Variants in USP30 observed in about 807,000 individuals in gnomAD.
The protein encoded by USP30 is ubiquitin specific peptidase 30, also known as ubiquitin carboxyl-terminal hydrolase 30.
Under a neutral mutation model 68.2 loss-of-function variants are expected in USP30, and 41 were observed. The observed-to-expected ratio is 0.60, with a 90% CI of 0.47 to 0.78. The LOEUF (loss-of-function observed/expected upper bound fraction) is 0.78. Among genes scored for constraint, USP30 ranks in the 30% least tolerant of loss-of-function variants. The pLI is 0.00. For synonymous variants in USP30, 229 were observed against 253.7 expected (o/e 0.90, Z 0.93); for missense variants, 522 against 649.4 (o/e 0.80, Z 2.13).
In USP30 at chr12:109,055,400, A is replaced by ATATATATATTT. The variant is rs1298811530; in HGVS notation, c.84-1281_84-1280insATATATATTTT. ...TATACATATATATATATATATATAT[A>ATATATATATTT]TTTTTTTTTTTTTTTTTTTTGAGGC... On this transcript the variant is annotated intron_variant, in intron 1 of 12. Transcript: ENST00000257548. 2.2e-3 allele frequency among the ~76,000 whole-genome samples: 55 copies of ATATATATATTT among 24,474 alleles called. 1 individual carries two copies. Among genetic ancestry groups the ATATATATATTT allele is most frequent in the African/African-American group, 5.9e-3 (53 of 9,022 alleles). 16.1% of individuals were successfully genotyped at this position (24,474 alleles called of 152,430 possible). A position where few individuals can be genotyped will look rare whatever the true frequency, so the allele number is the denominator to read the frequency against.
rs114178663 is a variant in USP30 at position 109,072,901 on chromosome 12, A to T, written c.626-537A>T. On this transcript the variant is annotated intron_variant, in intron 6 of 12. Transcript: ENST00000257548. ...TAATAACTATCCCAATTTTCCGCACACTGAGGCTTGTAGAGATTAAAGGCA... is the reference window on the plus strand; with the variant it reads ...TAATAACTATCCCAATTTTCCGCACTCTGAGGCTTGTAGAGATTAAAGGCA... 4.1e-3 allele frequency among the ~76,000 whole-genome samples: 618 copies of T among 152,300 alleles called. 6 individuals carry two copies. The highest frequency in any genetic ancestry group is 0.014 in the African/African-American group (602 of 41,558).
At position 109,052,631 on chromosome 12, in the gene USP30, C is replaced by CGGCGGT. The variant is rs2135692110; in HGVS notation, c.-43_-42insTGGCGG. The CGGCGGT allele has an allele frequency of 4.8e-6, 7 of 1,449,066 alleles. No individual in the cohort carries two copies. Among genetic ancestry groups the CGGCGGT allele is most frequent in the Non-Finnish European group, 4.5e-6 (5 of 1,106,782 alleles). The allele number at this position is 1,449,066 out of a possible 1,614,324, so 89.8% of individuals were successfully genotyped here. ...GTCGTATCCCTCGGTCCGGCGGCGG[C>CGGCGGT]GGCGGCGGTAGCGGAGGAGACGGTT... On this transcript the variant is annotated 5_prime_UTR_variant, in exon 1 of 13. Coordinates refer to ENST00000257548, the MANE Select transcript of USP30 (RefSeq NM_032663.5).
At chr12:109,031,099 A>G (rs934312671) in intron 3 of USP30, among the ~76,000 whole-genome samples, 2 of 152,088 alleles carry the variant, frequency 1.3e-5, no homozygotes, top group African/African-American at 4.8e-5. Context: ...TAAAAAACTA[A>G]AAAAAAACAT....
At chr12:109,039,212 AG>A (rs2040544583) in intron 3 of USP30, among the ~76,000 whole-genome samples, 1 of 152,170 alleles carries the variant, frequency 6.6e-6, no homozygotes, top group African/African-American at 2.4e-5. Context: ...TTCCTCAGAA[AG>A]TTTTACAGTT....
intron 3 of USP30, among the ~76,000 whole-genome samples, chr12:109,058,884 G>T (rs896936796): frequency 1.3e-5 from 2 of 152,202 alleles, no homozygotes; most frequent in Non-Finnish European, 2.9e-5. Flanking sequence ...TTGCAGCCCT[G>T]TCCAGCTGTT....
intron 3 of USP30, 72 bp from the exon 4 acceptor site, chr12:109,067,452 A>G (rs1391647583): frequency 3.0e-6 from 4 of 1,352,404 alleles, no homozygotes; most frequent in Non-Finnish European, 4.2e-6. Flanking sequence ...TTGATATGTT[A>G]TACTGTGCAA....
At chr12:109,035,262 T>C (rs2040510425) in intron 3 of USP30, among the ~76,000 whole-genome samples, 1 of 152,158 alleles carries the variant, frequency 6.6e-6, no homozygotes, top group Admixed American at 6.5e-5. Flanking sequence ...ATTTTATTTC[T>C]TTTGTCTTTT....
At chr12:109,082,404 A>C (rs2041830090) in intron 9 of USP30, 1 of 550,660 alleles carries the variant, frequency 1.8e-6, no homozygotes. Context: ...TTGAAGACAG[A>C]GAACAATTAA....
intron 3 of USP30, among the ~76,000 whole-genome samples, chr12:109,058,339 G>A (rs541601073): frequency 6.6e-5 from 10 of 152,260 alleles, no homozygotes; most frequent in African/African-American, 2.2e-4. Flanking sequence ...AGGAGGCCAA[G>A]GCAGGTGGAT....
chr12:109,049,683 C>T (rs1029180152), upstream of USP30, among the ~76,000 whole-genome samples: 7 of 152,142 alleles, frequency 4.6e-5, no homozygotes, highest in South Asian at 2.1e-4. Context: ...GGCATGGTGG[C>T]GCGTGCCTGT....
chr12:109,034,322 G>A (rs761981428), intron 3 of USP30, among the ~76,000 whole-genome samples: 1 of 152,114 alleles, frequency 6.6e-6, no homozygotes, highest in East Asian at 1.9e-4. Context: ...TTCCATTGCA[G>A]TTAGAGAACA....
In USP30 at chr12:109,057,661, A is replaced by C. The variant is rs149733451; in HGVS notation, c.194-265A>C. On this transcript the variant is annotated intron_variant, in intron 2 of 12. Coordinates refer to ENST00000257548, the MANE Select transcript of USP30 (RefSeq NM_032663.5). ...AAGTGTTTTTGTACATTTAGGAAGA[A>C]CCAAGCTGTGCTGGATACCATGATA... Among the ~76,000 whole-genome samples, 52 of 152,368 alleles carry C rather than the reference A, an allele frequency of 3.4e-4. No individual in the cohort carries two copies. The East Asian group carries it at 9.6e-3, about 28-fold the overall frequency.
At chr12:109,079,344 T>C (rs2041719374) in intron 7 of USP30, among the ~76,000 whole-genome samples, 1 of 129,682 alleles carries the variant, frequency 7.7e-6, no homozygotes, top group East Asian at 2.0e-4. Flanking sequence ...TTTTTCTTTT[T>C]TTTTTTCTTT....
At chr12:109,067,783 T>C (rs1387580091) in intron 4 of USP30, among the ~76,000 whole-genome samples, 156 bp downstream of exon 4, 1 of 152,174 alleles carries the variant, frequency 6.6e-6, no homozygotes. Context: ...GTTCCTGCTC[T>C]CATGATCAGA....
chr12:109,062,536 G>A (rs1593256416), intron 3 of USP30, among the ~76,000 whole-genome samples: 1 of 151,168 alleles, frequency 6.6e-6, no homozygotes, highest in East Asian at 2.0e-4. Context: ...CACCGTGTTA[G>A]CCAGGATGGT....
At chr12:109,056,047 C>A (rs2040866458) in intron 1 of USP30, among the ~76,000 whole-genome samples, 1 of 152,054 alleles carries the variant, frequency 6.6e-6, no homozygotes, top group Admixed American at 6.6e-5. Flanking sequence ...AGTGCAAACG[C>A]CTTGAGGTCA....
chr12:109,067,535 CAAG>C lies in USP30; in HGVS notation c.392_394del (p.Glu131del). ...TTTTTTGTTTCCAGCCTTGTCCTGC[CAAG>C]AAGTTACTGATGATGAGGTCTTAGA... On this transcript the variant is annotated inframe_deletion, in exon 4 of 13. Transcript: ENST00000257548. 5 of 1,613,898 alleles carry C rather than the reference CAAG, an allele frequency of 3.1e-6. No homozygotes were observed. Among genetic ancestry groups the C allele is most frequent in the Non-Finnish European group, 4.2e-6 (5 of 1,179,908 alleles).
chr12:109,053,860 C>T, intron 1 of USP30: 1 of 353,392 alleles, frequency 2.8e-6, no homozygotes, highest in Non-Finnish European at 5.6e-6. Context: ...CCCCTTGACA[C>T]TCTTCCCTTC....
In USP30 at chr12:109,041,844, G is replaced by T. The variant is rs570910681; in HGVS notation, c.-135-5746G>T. Among the ~76,000 whole-genome samples, 180 of 151,982 alleles carry T rather than the reference G, an allele frequency of 1.2e-3. 3 individuals are homozygous for T. In the South Asian group the frequency reaches 0.021, roughly 18 times the overall value. On this transcript the variant is annotated intron_variant, in intron 3 of 15. Coordinates refer to the USP30 transcript ENST00000392784. ...GAAAAGCTTTGAAGTGGGGTTTTAG[G>T]ATCCCTCTGTCAATTGAAGCACAAC...
Sources: allele counts gnomAD v4.1 joint callset (sites outside exome capture counted in the v4.1 genomes callset), GRCh38; gene constraint gnomAD v4.1.1; transcripts MANE v1.5; gene names NCBI Gene and HGNC (gene_info 2026-07-23, HGNC 2026-07-21).